The following XNDC1N variants were observed in gnomAD, a reference collection of about 807,000 sequenced individuals.
XNDC1N encodes the protein protein XNDC1N.
the XNDC1N span, among the ~76,000 whole-genome samples, chr11:71,928,193 TG>T: frequency 2.0e-5 from 3 of 152,224 alleles, no homozygotes; most frequent in Non-Finnish European, 4.4e-5. Flanking sequence ...ACGCGGAATG[TG>T]GGTGCCCTGG....
the XNDC1N span, among the ~76,000 whole-genome samples, chr11:71,924,594 C>T: frequency 4.6e-5 from 7 of 151,872 alleles, no homozygotes; most frequent in Non-Finnish European, 8.8e-5. Flanking sequence ...AGGAGAATGG[C>T]GTGAACCCGG....
the XNDC1N span, chr11:71,893,821 A>G: frequency 9.9e-7 from 1 of 1,013,572 alleles, no homozygotes; most frequent in Non-Finnish European, 1.4e-6. Flanking sequence ...CCTGACTGTG[A>G]TGACCTATGA....
At chr11:71,871,956 T>C in the XNDC1N span, among the ~76,000 whole-genome samples, 1 of 152,208 alleles carries the variant, frequency 6.6e-6, no homozygotes, top group South Asian at 2.1e-4. Flanking sequence ...GTTTGGCCTT[T>C]TCTTAAAACT....
At chr11:71,866,743 G>A in the XNDC1N span, among the ~76,000 whole-genome samples, 4 of 151,238 alleles carry the variant, frequency 2.6e-5, no homozygotes, top group African/African-American at 9.7e-5. Flanking sequence ...GAGCCTGGGC[G>A]ACAGAGCAAG....
the XNDC1N span, among the ~76,000 whole-genome samples, chr11:71,891,492 C>A: frequency 6.6e-6 from 1 of 151,972 alleles, no homozygotes; most frequent in African/African-American, 2.4e-5. Context: ...TGTTAGCAAC[C>A]AGATCACAAA....
At chr11:71,909,677 A>C in the XNDC1N span, among the ~76,000 whole-genome samples, 71 of 151,672 alleles carry the variant, frequency 4.7e-4, 1 homozygote, top group South Asian at 2.1e-3. Context: ...TCCAAAAAGA[A>C]TATTGACGTC....
At chr11:71,888,391 T>C in the XNDC1N span, among the ~76,000 whole-genome samples, 1 of 152,116 alleles carries the variant, frequency 6.6e-6, no homozygotes, top group Non-Finnish European at 1.5e-5. Context: ...CAAGCCTTTG[T>C]ATGCGGTCAC....
chr11:71,917,782 G>A, the XNDC1N span: 4 of 703,076 alleles, frequency 5.7e-6, no homozygotes, highest in Non-Finnish European at 1.0e-5. Context: ...GTTACCTGGG[G>A]ACAAAAGGTT....
chr11:71,910,337 C>G, the XNDC1N span, among the ~76,000 whole-genome samples: 1 of 152,228 alleles, frequency 6.6e-6, no homozygotes, highest in Non-Finnish European at 1.5e-5. Flanking sequence ...AAGACGTTTT[C>G]TTTCCTATCA....
chr11:71,916,280 G>T, the XNDC1N span: 9 of 701,116 alleles, frequency 1.3e-5, no homozygotes, highest in Non-Finnish European at 2.1e-5. Context: ...AACAAAATCA[G>T]GGGGGAATGG....
chr11:71,873,851 ATAATT>A, the XNDC1N span, among the ~76,000 whole-genome samples: 1 of 152,336 alleles, frequency 6.6e-6, no homozygotes, highest in African/African-American at 2.4e-5. Context: ...CAATAAGGAA[ATAATT>A]TGATTTAATT....
chr11:71,880,615 T>A, the XNDC1N span, among the ~76,000 whole-genome samples: 1 of 152,186 alleles, frequency 6.6e-6, no homozygotes, highest in African/African-American at 2.4e-5. Context: ...AGCTTGTTTA[T>A]AATCTTACTA....
chr11:71,916,093 A>C, the XNDC1N span: 1 of 702,892 alleles, frequency 1.4e-6, no homozygotes, highest in East Asian at 2.7e-5. Flanking sequence ...CACAGAGCTC[A>C]GAAGGGCTGA....
At chr11:71,865,903 C>T in the XNDC1N span, 12 of 434,720 alleles carry the variant, frequency 2.8e-5, no homozygotes, top group Admixed American at 2.6e-4. Context: ...AATCTCTACA[C>T]ATTACTAAAA....
the XNDC1N span, among the ~76,000 whole-genome samples, chr11:71,872,569 C>G: frequency 6.3e-4 from 95 of 151,644 alleles, no homozygotes; most frequent in African/African-American, 2.2e-3. Flanking sequence ...TAAAAAAATA[C>G]CAAAAAAAAA....
At chr11:71,895,305 C>T in the XNDC1N span, among the ~76,000 whole-genome samples, 1 of 151,342 alleles carries the variant, frequency 6.6e-6, no homozygotes, top group Admixed American at 6.6e-5. Context: ...TTCGCATTTT[C>T]TATTTCTTTC....
chr11:71,900,399 G>A, the XNDC1N span, among the ~76,000 whole-genome samples: 28 of 148,332 alleles, frequency 1.9e-4, no homozygotes, highest in Non-Finnish European at 1.5e-5. Flanking sequence ...TGCTGAGGGA[G>A]GGTCGGGAGC....
chr11:71,888,664 G>T, the XNDC1N span, among the ~76,000 whole-genome samples: 1 of 152,202 alleles, frequency 6.6e-6, no homozygotes, highest in Admixed American at 6.5e-5. Flanking sequence ...GGAGGGCCTT[G>T]GCAGCAACTG....
At chr11:71,865,991 G>A in the XNDC1N span, 1 of 286,746 alleles carries the variant, frequency 3.5e-6, no homozygotes, top group Non-Finnish European at 6.8e-6. Context: ...AAAGTAAATA[G>A]GAGTTAGAAA....
Sources: allele counts gnomAD v4.1 joint callset (sites outside exome capture counted in the v4.1 genomes callset), GRCh38; gene constraint gnomAD v4.1.1; transcripts MANE v1.5; gene names NCBI Gene and HGNC (gene_info 2026-07-23, HGNC 2026-07-21).